Variants in GAPVD1 observed in about 807,000 individuals in gnomAD.
GAPVD1 encodes the protein GTPase-activating protein and VPS9 domain-containing protein 1.
GAPVD1 carries 35 observed loss-of-function variants against 155.5 expected under a neutral mutation model. That is an observed-to-expected ratio of 0.23 (90% CI 0.17 to 0.30). The LOEUF (loss-of-function observed/expected upper bound fraction) is 0.30, where lower values mean the gene tolerates loss of function less well. GAPVD1 is among the 10% of genes least tolerant of loss of function. The pLI is 1.00. For missense variants in GAPVD1, 1,429 were observed against 1,775.7 expected (o/e 0.80, Z 3.51); for synonymous variants, 636 against 619.7 (o/e 1.03, Z -0.39).
chr9:125,281,963 G>C (rs975575962), intron 2 of GAPVD1, among the ~76,000 whole-genome samples: 14 of 151,958 alleles, frequency 9.2e-5, no homozygotes, highest in African/African-American at 2.9e-4. Flanking sequence ...GATTACAATA[G>C]GCACCTGCCG....
intron 2 of GAPVD1, among the ~76,000 whole-genome samples, chr9:125,276,738 T>C (rs989844907): frequency 6.6e-6 from 1 of 152,206 alleles, no homozygotes; most frequent in Admixed American, 6.5e-5. Flanking sequence ...TGAGAAGATA[T>C]TTTCAACTAA....
At position 125,277,435 on chromosome 9, in the gene GAPVD1, A is replaced by G. The variant is rs554607696; in HGVS notation, c.-150+8451A>G. 5.9e-5 allele frequency among the ~76,000 whole-genome samples: 9 copies of G among 152,304 alleles called. No individual in the cohort carries two copies. The South Asian group carries it at 1.5e-3, about 25-fold the overall frequency. Reference sequence around the variant, plus strand: ...TAACTGGCCAATGAAAGGAGTGGACACAGGGCTCTAAAAACAGAATGTATA... The same window carrying G: ...TAACTGGCCAATGAAAGGAGTGGACGCAGGGCTCTAAAAACAGAATGTATA... On this transcript the variant is annotated intron_variant, in intron 2 of 27. Transcript: ENST00000297933.
At position 125,354,815 on chromosome 9, in the gene GAPVD1, A is replaced by G. The variant is rs1380686380; in HGVS notation, c.3731A>G (p.Glu1244Gly). ...GTGAGATTACTGCTTGAGAGCAAAG[A>G]AAAGAAGATCAGGGAATTCATTCAA... ...VCVRLLLESK[E>G]KKIREFIQDF... The change falls in exon 24 of 28, where the codon GAA (glutamate) becomes GGA (glycine). Residue 1244 changes from glutamate to glycine, a missense_variant. Transcript: ENST00000297933. 6.2e-7 allele frequency: 1 copy of G among 1,613,642 alleles called. No individual in the cohort carries two copies. Among genetic ancestry groups the G allele is most frequent in the Admixed American group, 1.7e-5 (1 of 60,030 alleles).
At chr9:125,284,865 C>A (rs183264853) in intron 2 of GAPVD1, among the ~76,000 whole-genome samples, 5 of 152,088 alleles carry the variant, frequency 3.3e-5, no homozygotes, top group African/African-American at 1.2e-4. Flanking sequence ...TGTATCTAAA[C>A]AAGAAAAATA....
In GAPVD1 at chr9:125,332,499, G is replaced by GT. The variant is rs749526159; in HGVS notation, c.2309-5dup. 58 of 1,561,766 alleles carry GT rather than the reference G, an allele frequency of 3.7e-5. No homozygotes were observed. Among genetic ancestry groups the GT allele is most frequent in the Non-Finnish European group, 2.0e-5 (23 of 1,152,110 alleles). On this transcript the variant is annotated splice_polypyrimidine_tract_variant and intron_variant, in intron 14 of 27. Transcript: ENST00000297933. The stretch of plus-strand genomic sequence containing the variant: ...TTCTTCCTGTTTATTTTTTACTATT[G>GT]TTTTTTAAAGGCATAAGTGCAACCT...
At chr9:125,326,306 T>C in intron 11 of GAPVD1, 110 bp from the exon 12 acceptor site, 2 of 703,114 alleles carry the variant, frequency 2.8e-6, no homozygotes, top group Non-Finnish European at 4.7e-6. Context: ...TCACCTGAGA[T>C]TGGGAGTTCG....
rs534632392 is a variant in GAPVD1, at chr9:125,360,777, T to C, written c.4242+52T>C. 2.2e-5 allele frequency: 30 copies of C among 1,351,106 alleles called. No homozygotes were observed. In the East Asian group the frequency reaches 4.8e-4, roughly 22 times the overall value. The allele number at this position is 1,351,106 out of a possible 1,614,324, so 83.7% of individuals were successfully genotyped here. A position where few individuals can be genotyped will look rare whatever the true frequency, so the allele number is the denominator to read the frequency against. ...GGAGTTATGTGGCATTCTGAGCAGG[T>C]GGCACAGGGCTTCACACAACCATAG... On this transcript the variant is annotated intron_variant, in intron 27 of 27. Coordinates refer to ENST00000297933, the MANE Select transcript of GAPVD1 (RefSeq NM_001282680.3).
At chr9:125,362,582 C>A in intron 27 of GAPVD1, 24 bp from the exon 28 acceptor site, 9 of 1,569,508 alleles carry the variant, frequency 5.7e-6, no homozygotes, top group East Asian at 2.3e-5. Context: ...GTAATTGATT[C>A]TTTTTTATTT....
intron 8 of GAPVD1, among the ~76,000 whole-genome samples, chr9:125,310,537 AT>A (rs10616987): frequency 0.044 from 5,405 of 122,170 alleles, 169 homozygotes; most frequent in African/African-American, 0.12. Flanking sequence ...TTTTTTCTTG[AT>A]TTTTTTTTTT....
intron 23 of GAPVD1, 134 bp from the exon 24 acceptor site, chr9:125,354,520 A>G: frequency 1.7e-6 from 1 of 592,812 alleles, no homozygotes; most frequent in South Asian, 2.3e-5. Context: ...GTGCTACTGA[A>G]GAGAGCACAG....
chr9:125,357,310 G>A (rs576307088), intron 25 of GAPVD1, among the ~76,000 whole-genome samples: 154 of 152,284 alleles, frequency 1.0e-3, no homozygotes, highest in African/African-American at 3.6e-3. Flanking sequence ...CGGGCTTCAT[G>A]GCTCACACTT....
At chr9:125,353,819 G>A (rs1389444745) in intron 23 of GAPVD1, among the ~76,000 whole-genome samples, 1 of 152,106 alleles carries the variant, frequency 6.6e-6, no homozygotes, top group African/African-American at 2.4e-5. Flanking sequence ...ACAACACATG[G>A]AAATTCAAGA....
Position 125,332,508 on chromosome 9 carries a change from A to G in GAPVD1, c.2309-2A>G. On this transcript the variant is annotated splice_acceptor_variant, in intron 14 of 27. Transcript: ENST00000297933. LOFTEE classifies it high-confidence loss of function. The stretch of plus-strand genomic sequence containing the variant: ...TTTATTTTTTACTATTGTTTTTTAA[A>G]GGCATAAGTGCAACCTCTGAGGATA... The G allele has an allele frequency of 6.4e-7, 1 of 1,572,120 alleles. No homozygotes were observed. Among genetic ancestry groups the G allele is most frequent in the Non-Finnish European group, 8.6e-7 (1 of 1,159,134 alleles).
At position 125,264,924 on chromosome 9, in the gene GAPVD1, G is replaced by A. The variant is rs150331456; in HGVS notation, c.-199+2965G>A. Among the ~76,000 whole-genome samples the A allele has an allele frequency of 5.9e-3, 904 of 152,188 alleles. 12 individuals carry two copies. The highest frequency in any genetic ancestry group is 0.021 in the African/African-American group (864 of 41,534). On this transcript the variant is annotated intron_variant, in intron 1 of 27. Transcript: ENST00000297933. ...GTAGAAACGGGGTTTCACCATGTTG[G>A]TCAGGCTGGCCTCGAACCTCCTGAC...
At chr9:125,348,489 A>G (rs1476214599) in intron 20 of GAPVD1, among the ~76,000 whole-genome samples, 1 of 151,786 alleles carries the variant, frequency 6.6e-6, no homozygotes, top group East Asian at 1.9e-4. Context: ...GTATACATGT[A>G]TGTGTTGTAT....
At chr9:125,263,375 GGAGGTGGATATTGCAGT>G (rs1337925428) in intron 1 of GAPVD1, among the ~76,000 whole-genome samples, 1 of 152,238 alleles carries the variant, frequency 6.6e-6, no homozygotes, top group Non-Finnish European at 1.5e-5. Context: ...CTTGAGCCCG[GGAGGTGGATATTGCAGT>G]GAGCCAAGAT....
intron 25 of GAPVD1, among the ~76,000 whole-genome samples, chr9:125,357,676 T>C (rs1185583366): frequency 6.6e-6 from 1 of 151,970 alleles, no homozygotes; most frequent in Non-Finnish European, 1.5e-5. Context: ...TAAAGCTGTT[T>C]AAAAATATTA....
intron 3 of GAPVD1, among the ~76,000 whole-genome samples, chr9:125,296,164 ACTTT>A (rs1431406229): frequency 2.0e-5 from 3 of 149,202 alleles, no homozygotes; most frequent in East Asian, 1.9e-4. Context: ...ACATCCTAAC[ACTTT>A]CTTTCTTTCT....
chr9:125,346,259 A>C (rs918262773), intron 19 of GAPVD1: 2 of 161,440 alleles, frequency 1.2e-5, no homozygotes, highest in African/African-American at 4.8e-5. Context: ...CATGCACAAA[A>C]GTGCTCTATT....
Sources: gnomAD v4.1 joint callset for allele counts (sites outside exome capture counted in the v4.1 genomes callset) on GRCh38, gnomAD v4.1.1 for gene constraint, MANE v1.5 for transcripts, NCBI Gene and HGNC (gene_info 2026-07-23, HGNC 2026-07-21) for gene names.